The following SPTY2D1 variants were observed in gnomAD, a reference collection of about 807,000 sequenced individuals.
SPTY2D1 encodes the protein SPT2 chromatin protein domain containing 1, also known as protein SPT2 homolog.
SPTY2D1 carries 21 observed loss-of-function variants against 64.0 expected under a neutral mutation model. The observed-to-expected ratio is 0.33, with a 90% CI of 0.23 to 0.47. The LOEUF is 0.47. SPTY2D1 is among the 20% of genes least tolerant of loss of function. The pLI is 1.00. For synonymous variants in SPTY2D1, 287 were observed against 286.8 expected (o/e 1.00, Z -0.01); for missense variants, 724 against 837.2 (o/e 0.86, Z 1.67).
chr11:18,632,165 A>AAG (rs1554989569), intron 1 of SPTY2D1, among the ~76,000 whole-genome samples: 3 of 151,088 alleles, frequency 2.0e-5, no homozygotes, highest in African/African-American at 2.4e-5. Flanking sequence ...AAAAAAAAAA[A>AAG]AAGAAGAAGA....
At chr11:18,619,079 A>G (rs1854348484) in intron 1 of SPTY2D1, among the ~76,000 whole-genome samples, 1 of 152,180 alleles carries the variant, frequency 6.6e-6, no homozygotes, top group African/African-American at 2.4e-5. Flanking sequence ...AAGGGAGAGG[A>G]GAAAGGAGAA....
At position 18,615,771 on chromosome 11, in the gene SPTY2D1, T is replaced by G. The variant is rs1854289277; in HGVS notation, c.503A>C (p.Asn168Thr). 6.2e-7 allele frequency: 1 copy of G among 1,613,934 alleles called. No individual in the cohort carries two copies. Among genetic ancestry groups the G allele is most frequent in the Admixed American group, 1.7e-5 (1 of 59,956 alleles). ...VPLKSAPPPM[N>T]FTDLLRLAEK... ...AGCCAGCCTGAGTAAATCAGTGAAG[T>G]TCATGGGTGGTGGGGCACTTTTAAG... Residue 168 changes from asparagine to threonine, a missense_variant, in exon 3 of 6, where the codon AAC becomes ACC. Transcript: ENST00000336349.
At chr11:18,622,101 A>AAAAAAAAAAAAAAAAAAAAAAAAAAAC (rs71050618) in intron 1 of SPTY2D1, among the ~76,000 whole-genome samples, 10 of 81,388 alleles carry the variant, frequency 1.2e-4, no homozygotes, top group East Asian at 8.3e-4. Context: ...AAAAAAAAAA[A>AAAAAAAAAAAAAAAAAAAAAAAAAAAC]AAACCAAAAC....
At chr11:18,610,865 A>G (rs188870644) in intron 5 of SPTY2D1, among the ~76,000 whole-genome samples, 1 of 152,304 alleles carries the variant, frequency 6.6e-6, no homozygotes, top group African/African-American at 2.4e-5. Flanking sequence ...AAAAGCAAGA[A>G]TTTGCTACAA....
chr11:18,632,535 G>C (rs931395039), intron 1 of SPTY2D1, among the ~76,000 whole-genome samples: 2 of 152,128 alleles, frequency 1.3e-5, no homozygotes, highest in African/African-American at 2.4e-5. Flanking sequence ...TTTTAGTAGA[G>C]ATGGGGTTTC....
In SPTY2D1 at chr11:18,634,289, C is replaced by G. The variant is rs745524048; in HGVS notation, c.-32G>C. ...CCGAGGCGGGAGAGACTGGGCCAGG[C>G]ACTCGGAAAGGACTGACAGCGCACC... On this transcript the variant is annotated 5_prime_UTR_variant, in exon 1 of 6. Transcript: ENST00000336349. The G allele has an allele frequency of 6.2e-7, 1 of 1,612,918 alleles. No homozygotes were observed. The highest frequency in any genetic ancestry group is 1.7e-5 in the Admixed American group (1 of 60,028).
chr11:18,614,668 T>C lies in SPTY2D1; in HGVS notation c.1606A>G (p.Thr536Ala). ...GAAGAAATTGTTTCGGAGACAACAGTGCACTTAGGCTTTATAGTGGGACCT... is the reference window on the plus strand; with the variant it reads ...GAAGAAATTGTTTCGGAGACAACAGCGCACTTAGGCTTTATAGTGGGACCT... ...SSGPTIKPKC[T>A]VVSETISSKN... The change falls in exon 3 of 6, where the codon ACT becomes GCT. Residue 536 changes from threonine to alanine, a missense_variant. Coordinates refer to ENST00000336349, the MANE Select transcript of SPTY2D1 (RefSeq NM_194285.3). 2 of 1,614,276 alleles carry C rather than the reference T, an allele frequency of 1.2e-6. No individual in the cohort carries two copies. Among genetic ancestry groups the C allele is most frequent in the Non-Finnish European group, 1.7e-6 (2 of 1,180,050 alleles).
Position 18,609,105 on chromosome 11 carries a change from AAATC to A in SPTY2D1, c.*752_*755del, listed in dbSNP as rs1451519726. 1.3e-5 allele frequency: 2 copies of A among 152,230 alleles called. No homozygotes were observed. Among genetic ancestry groups the A allele is most frequent in the African/African-American group, 2.4e-5 (1 of 41,462 alleles). 9.4% of individuals were successfully genotyped at this position (152,230 alleles called of 1,614,324 possible). On this transcript the variant is annotated 3_prime_UTR_variant, in exon 6 of 6. Transcript: ENST00000336349. ...TATAAAAATGAATTTTTTTAGATAA[AAATC>A]AATCAGCACAGTGACCTTGTCTTAC... is the stretch of plus-strand genomic sequence containing the variant.
At chr11:18,619,345 G>T (rs1032333399) in intron 1 of SPTY2D1, among the ~76,000 whole-genome samples, 3 of 151,724 alleles carry the variant, frequency 2.0e-5, no homozygotes, top group Non-Finnish European at 2.9e-5. Flanking sequence ...CTGGCCAGGC[G>T]CAGTGGCTCA....
intron 1 of SPTY2D1, among the ~76,000 whole-genome samples, chr11:18,626,834 G>A (rs994995819): frequency 1.3e-5 from 2 of 152,088 alleles, no homozygotes; most frequent in African/African-American, 4.8e-5. Context: ...GAACCTCTAT[G>A]GGAAAAAGGT....
Position 18,607,569 on chromosome 11 carries a change from T to G in SPTY2D1, c.*2292A>C, listed in dbSNP as rs1296664646. On this transcript the variant is annotated 3_prime_UTR_variant, in exon 6 of 6. Coordinates refer to ENST00000336349, the MANE Select transcript of SPTY2D1 (RefSeq NM_194285.3). ...ATACATTAAAAATCAAGCATTTAAT[T>G]TGTAAACCTTAATGAAATAACAGCC... 3 of 152,622 alleles carry G rather than the reference T, an allele frequency of 2.0e-5. No homozygotes were observed. The highest frequency in any genetic ancestry group is 4.4e-5 in the Non-Finnish European group (3 of 68,044). The allele number at this position is 152,622 out of a possible 1,614,324, so 9.5% of individuals were successfully genotyped here. A position where few individuals can be genotyped will look rare whatever the true frequency, so the allele number is the denominator to read the frequency against.
chr11:18,622,098 A>AC (rs1854417540), intron 1 of SPTY2D1, among the ~76,000 whole-genome samples: 5 of 148,140 alleles, frequency 3.4e-5, no homozygotes, highest in Non-Finnish European at 4.5e-5. Context: ...AAAAAAAAAA[A>AC]AAAAAACCAA....
rs984097984 is a variant in SPTY2D1, at chr11:18,609,790, T to G, written c.*71A>C. ...TATAAATCTAAAATGATAAGGGGGC[T>G]TCTTCAGTCTGAAGGCAGGAAATCC... On this transcript the variant is annotated 3_prime_UTR_variant, in exon 6 of 6. Coordinates refer to ENST00000336349, the MANE Select transcript of SPTY2D1 (RefSeq NM_194285.3). 3 of 1,390,080 alleles carry G rather than the reference T, an allele frequency of 2.2e-6. No homozygotes were observed. Among genetic ancestry groups the G allele is most frequent in the Non-Finnish European group, 3.0e-6 (3 of 988,580 alleles). The allele number at this position is 1,390,080 out of a possible 1,614,324, so 86.1% of individuals were successfully genotyped here. A position where few individuals can be genotyped will look rare whatever the true frequency, so the allele number is the denominator to read the frequency against.
chr11:18,614,723 G>C lies in SPTY2D1; in HGVS notation c.1551C>G (p.Ser517Arg), dbSNP rs746383233. 1 of 1,614,196 alleles carries C rather than the reference G, an allele frequency of 6.2e-7. No homozygotes were observed. The highest frequency in any genetic ancestry group is 1.7e-5 in the Admixed American group (1 of 60,026). Residue 517 changes from serine (S) to arginine (R), a missense_variant, in exon 3 of 6, where the codon AGC (serine) becomes AGG (arginine). Physicochemically the swap from Ser to Arg is moderately radical, Grantham distance 110. Coordinates refer to ENST00000336349, the MANE Select transcript of SPTY2D1 (RefSeq NM_194285.3). ...SNSVPGRPVS[S>R]LGPGQTVSSS... is the part of the protein sequence containing the mutation. ...TACTAACTGTTTGCCCAGGTCCCAA[G>C]CTGCTCACTGGTCTTCCTGGGACTG...
At chr11:18,628,728 C>A (rs1854539275) in intron 1 of SPTY2D1, among the ~76,000 whole-genome samples, 1 of 152,190 alleles carries the variant, frequency 6.6e-6, no homozygotes, top group Admixed American at 6.5e-5. Flanking sequence ...TTAAGGTTAA[C>A]AGATCCAAGG....
rs751851501 is a variant in SPTY2D1, at chr11:18,615,382, G to T, written c.892C>A (p.Pro298Thr). 49 of 1,614,120 alleles carry T rather than the reference G, an allele frequency of 3.0e-5. No individual in the cohort carries two copies. The highest frequency in any genetic ancestry group is 4.0e-5 in the African/African-American group (3 of 74,944). The part of the protein sequence containing the change: ...IKAGSGNSSQ[P>T]SLREGHDKPV... Reference sequence around the variant, plus strand: ...TTGTCGTGGCCCTCACGAAGTGAGGGTTGGGAGCTATTGCCAGATCCTGCC... The same window carrying T: ...TTGTCGTGGCCCTCACGAAGTGAGGTTTGGGAGCTATTGCCAGATCCTGCC... Residue 298 changes from proline to threonine, a missense_variant, in exon 3 of 6, where the codon CCC becomes ACC. Transcript: ENST00000336349.
rs548712230 is a variant in SPTY2D1 at position 18,630,100 on chromosome 11, C to T, written c.60+4098G>A. On this transcript the variant is annotated intron_variant, in intron 1 of 5. Transcript: ENST00000336349. The stretch of plus-strand genomic sequence containing the variant: ...AAGAGAATGGCTTGAACCCAGGAGG[C>T]GGAGGTTACAGTGAGCCAAGACCAT... Among the ~76,000 whole-genome samples the T allele has an allele frequency of 3.3e-5, 5 of 151,546 alleles. No homozygotes were observed. In the South Asian group the frequency reaches 8.3e-4, roughly 25 times the overall value.
chr11:18,610,911 T>C (rs543606050), intron 5 of SPTY2D1, among the ~76,000 whole-genome samples: 1 of 152,234 alleles, frequency 6.6e-6, no homozygotes, highest in Non-Finnish European at 1.5e-5. Context: ...TTACTGTGTA[T>C]CCACACATGT....
rs977470271 is a variant in SPTY2D1 at position 18,608,487 on chromosome 11, A to G, written c.*1374T>C. 5 of 152,254 alleles carry G rather than the reference A, an allele frequency of 3.3e-5. No homozygotes were observed. The highest frequency in any genetic ancestry group is 7.3e-5 in the Non-Finnish European group (5 of 68,062). The allele number at this position is 152,254 out of a possible 1,614,324, so 9.4% of individuals were successfully genotyped here. ...CCCCATACAATGGCTTAAGATAGCCAAAACGTTTATTGTAGAACGTTTATT... is the reference window on the plus strand; with the variant it reads ...CCCCATACAATGGCTTAAGATAGCCGAAACGTTTATTGTAGAACGTTTATT... On this transcript the variant is annotated 3_prime_UTR_variant, in exon 6 of 6. Coordinates refer to ENST00000336349, the MANE Select transcript of SPTY2D1 (RefSeq NM_194285.3).
Sources: gnomAD v4.1 joint callset for allele counts (sites outside exome capture counted in the v4.1 genomes callset) on GRCh38, gnomAD v4.1.1 for gene constraint, MANE v1.5 for transcripts, NCBI Gene and HGNC (gene_info 2026-07-23, HGNC 2026-07-21) for gene names.